CDK13: variants seen among roughly 807,000 people sequenced by gnomAD.
CDK13 encodes cyclin-dependent kinase 13.
Under a neutral mutation model 137.6 loss-of-function variants are expected in CDK13, and 40 were observed. The ratio of observed to expected loss-of-function variants is 0.29; its 90% CI spans 0.23 to 0.38. The LOEUF (loss-of-function observed/expected upper bound fraction) is 0.38, where lower values mean the gene tolerates loss of function less well. Ranked by LOEUF, CDK13 falls within the 10% of genes least tolerant of loss-of-function variation. The pLI, the probability that CDK13 is intolerant of heterozygous loss-of-function variation, is 1.00. For missense variants in CDK13, 1,704 were observed against 1,951.8 expected, an observed-to-expected ratio of 0.87 and a Z score of 2.39; for synonymous variants, 869 against 760.1, an observed-to-expected ratio of 1.14 and a Z score of -2.36.
chr7:39,956,627 C>T (rs1787416557), intron 1 of CDK13, among the ~76,000 whole-genome samples: 1 of 152,064 alleles, frequency 6.6e-6, no homozygotes, highest in South Asian at 2.1e-4. Context: ...GTCACTTGCC[C>T]ACCCTGGAGT....
chr7:39,979,454 G>A (rs911334245), intron 1 of CDK13, among the ~76,000 whole-genome samples: 1 of 152,042 alleles, frequency 6.6e-6, no homozygotes. Context: ...GCCCTCAGGT[G>A]ATCTGCCCAT....
intron 2 of CDK13, among the ~76,000 whole-genome samples, chr7:39,990,148 G>A (rs1784428965): frequency 6.6e-6 from 1 of 152,036 alleles, no homozygotes; most frequent in Non-Finnish European, 1.5e-5. Flanking sequence ...GAACTCTTAC[G>A]TATACATGTG....
At chr7:39,979,467 C>T (rs917176024) in intron 1 of CDK13, among the ~76,000 whole-genome samples, 7 of 152,192 alleles carry the variant, frequency 4.6e-5, no homozygotes, top group East Asian at 1.9e-4. Context: ...CTGCCCATCT[C>T]GGCTTCCCAA....
Position 39,991,119 on chromosome 7 carries a change from A to G in CDK13, c.1871+2861A>G, listed in dbSNP as rs530871594. ...GGACCACCCCCAGGCCATTTTTTTCATGTATCTGAAAGTAATGCTCTTGGT... is the reference window on the plus strand; with the variant it reads ...GGACCACCCCCAGGCCATTTTTTTCGTGTATCTGAAAGTAATGCTCTTGGT... On this transcript the variant is annotated intron_variant, in intron 2 of 13. Coordinates refer to ENST00000181839, the MANE Select transcript of CDK13 (RefSeq NM_003718.5). 5.9e-5 allele frequency among the ~76,000 whole-genome samples: 9 copies of G among 152,238 alleles called. No homozygotes were observed. In the South Asian group the frequency reaches 1.9e-3, roughly 32 times the overall value.
At chr7:39,998,238 A>G (rs1260479250) in intron 3 of CDK13, 1 of 131,884 alleles carries the variant, frequency 7.6e-6, no homozygotes, top group Non-Finnish European at 1.7e-5. Flanking sequence ...TAACCAAGGG[A>G]CAGTGAAGAC....
At chr7:40,077,912 G>C (rs1456202812) in intron 9 of CDK13, 93 bp from the exon 10 acceptor site, 1 of 558,512 alleles carries the variant, frequency 1.8e-6, no homozygotes, top group African/African-American at 1.9e-5. Flanking sequence ...TTCAATTTTT[G>C]TGTATTTAAA....
intron 11 of CDK13, among the ~76,000 whole-genome samples, chr7:40,086,099 G>A (rs987782260): frequency 2.6e-5 from 4 of 152,204 alleles, no homozygotes; most frequent in East Asian, 3.9e-4. Context: ...ATAAAAGCGC[G>A]TCATGCTGTT....
At chr7:40,063,343 GTTTT>G (rs986082310) in intron 9 of CDK13, among the ~76,000 whole-genome samples, 2 of 152,108 alleles carry the variant, frequency 1.3e-5, no homozygotes, top group Non-Finnish European at 2.9e-5. Context: ...GCATGTGTGC[GTTTT>G]TTTAAGTCAA....
chr7:40,012,618 A>G (rs1366138739), intron 5 of CDK13, among the ~76,000 whole-genome samples: 1 of 151,726 alleles, frequency 6.6e-6, no homozygotes, highest in Admixed American at 6.6e-5. Flanking sequence ...TTTAAAAGAT[A>G]ATAAAAAATC....
chr7:39,958,411 C>A (rs531495627), intron 1 of CDK13, among the ~76,000 whole-genome samples: 4 of 151,914 alleles, frequency 2.6e-5, no homozygotes. Flanking sequence ...AGAAATTTTC[C>A]GTTAGTATAG....
rs568136146 is a variant in CDK13 at position 40,064,788 on chromosome 7, T to C, written c.2780+1688T>C. Among the ~76,000 whole-genome samples the C allele has an allele frequency of 7.7e-3, 1,158 of 151,034 alleles. 13 individuals carry two copies. The highest frequency in any genetic ancestry group is 0.027 in the African/African-American group (1,103 of 41,256). The stretch of plus-strand genomic sequence containing the variant: ...ATAGAAAACTTTTATGTTACTTTTT[T>C]TTTTTTTTTTTCCTGTTTTTTGAGA... On this transcript the variant is annotated intron_variant, in intron 9 of 13. Coordinates refer to ENST00000181839, the MANE Select transcript of CDK13 (RefSeq NM_003718.5).
chr7:40,091,836 C>T (rs1254499433), intron 12 of CDK13, among the ~76,000 whole-genome samples: 1 of 152,170 alleles, frequency 6.6e-6, no homozygotes, highest in East Asian at 1.9e-4. Context: ...CTTAGAGTTC[C>T]TCTTCTATCA....
In CDK13 at chr7:40,092,950, G is replaced by T. The variant is rs188313505; in HGVS notation, c.3401G>T (p.Gly1134Val). The change falls in exon 13 of 14, where the codon GGA becomes GTA. Residue 1134 changes from glycine to valine, a missense_variant. Gly to Val is a moderately radical substitution (Grantham distance 109, BLOSUM62 -3). Coordinates refer to ENST00000181839, the MANE Select transcript of CDK13 (RefSeq NM_003718.5). ...QQLNKINLPA[G>V]ILATGEKQTD... Reference sequence around the variant, plus strand: ...CTAAATAAAATAAACCTTCCTGCTGGAATTTTGGCAACAGGTGAAAAACAG... The same window carrying T: ...CTAAATAAAATAAACCTTCCTGCTGTAATTTTGGCAACAGGTGAAAAACAG... 1.8e-4 allele frequency: 290 copies of T among 1,614,130 alleles called. 1 individual carries two copies. Among genetic ancestry groups the T allele is most frequent in the Admixed American group, 1.7e-3 (103 of 60,018 alleles).
At chr7:39,959,816 A>C (rs867608352) in intron 1 of CDK13, among the ~76,000 whole-genome samples, 1 of 141,798 alleles carries the variant, frequency 7.1e-6, no homozygotes, top group African/African-American at 2.6e-5. Flanking sequence ...TGCAAGACCT[A>C]CTTGTGTGTT....
intron 11 of CDK13, among the ~76,000 whole-genome samples, chr7:40,079,345 C>T (rs541824050): frequency 7.2e-5 from 11 of 151,796 alleles, no homozygotes; most frequent in South Asian, 2.1e-4. Flanking sequence ...CTTGAACCCG[C>T]GAGGCGGAGG....
intron 7 of CDK13, among the ~76,000 whole-genome samples, chr7:40,052,513 A>G (rs1206173438): frequency 2.0e-5 from 3 of 152,138 alleles, no homozygotes; most frequent in Non-Finnish European, 2.9e-5. Context: ...ACTATGATCA[A>G]AATGAAAGTT....
chr7:40,050,173 C>T lies in CDK13; in HGVS notation c.2600+2296C>T, dbSNP rs1269046605. Among the ~76,000 whole-genome samples, 4 of 152,132 alleles carry T rather than the reference C, an allele frequency of 2.6e-5. No individual in the cohort carries two copies. The East Asian group carries it at 5.8e-4, about 22-fold the overall frequency. ...CTTAGTGGACGCTTAACGTTGATTCCCTATCCTGGCTATTGTGAAGGGTTG... is the reference window on the plus strand; with the variant it reads ...CTTAGTGGACGCTTAACGTTGATTCTCTATCCTGGCTATTGTGAAGGGTTG... On this transcript the variant is annotated intron_variant, in intron 7 of 13. Transcript: ENST00000181839.
chr7:39,966,346 T>C (rs867326578), intron 1 of CDK13, among the ~76,000 whole-genome samples: 44 of 152,184 alleles, frequency 2.9e-4, no homozygotes, highest in African/African-American at 1.0e-3. Flanking sequence ...TAAACTTCTC[T>C]TCTTGCTTCA....
At chr7:40,005,880 C>T (rs1784788010) in intron 5 of CDK13, among the ~76,000 whole-genome samples, 1 of 152,052 alleles carries the variant, frequency 6.6e-6, no homozygotes, top group African/African-American at 2.4e-5. Flanking sequence ...TGACAGCGTG[C>T]CTGGCTAATT....
Sources: allele counts gnomAD v4.1 joint callset (sites outside exome capture counted in the v4.1 genomes callset), GRCh38; gene constraint gnomAD v4.1.1; transcripts MANE v1.5; gene names NCBI Gene and HGNC (gene_info 2026-07-23, HGNC 2026-07-21).